Variants in CYRIA observed in about 807,000 individuals in gnomAD.
CYRIA encodes the protein CYFIP related Rac1 interactor A, also known as CYFIP-related Rac1 interactor A.
A neutral mutation model predicts 43.9 loss-of-function variants in CYRIA; 15 were observed. That is an observed-to-expected ratio of 0.34 (90% CI 0.23 to 0.53). CYRIA has a LOEUF of 0.53. Ranked by LOEUF, CYRIA falls within the 20% of genes least tolerant of loss-of-function variation. The pLI is 0.94. For synonymous variants in CYRIA, 117 were observed against 136.0 expected, an observed-to-expected ratio of 0.86 and a Z score of 0.97; for missense variants, 236 against 394.2, an observed-to-expected ratio of 0.60 and a Z score of 3.40.
At chr2:16,617,180 G>A (rs1473746054) in intron 2 of CYRIA, among the ~76,000 whole-genome samples, 1 of 152,190 alleles carries the variant, frequency 6.6e-6, no homozygotes, top group Non-Finnish European at 1.5e-5. Context: ...CTGGAGACAG[G>A]AAAGAGCTGA....
chr2:16,618,557 T>C (rs2103502689), intron 2 of CYRIA, among the ~76,000 whole-genome samples: 2 of 152,270 alleles, frequency 1.3e-5, no homozygotes, highest in Middle Eastern at 6.8e-3. Flanking sequence ...AAATGCATTT[T>C]GGTAAAGAGC....
At position 16,615,364 on chromosome 2, in the gene CYRIA, C is replaced by T. The variant is rs1050076269; in HGVS notation, c.-11+8500G>A. ...GGTCCCGAAATCCGGAGTTCCTCTCCTACTGGTTTAGTATGCATTTGGTTT... is the reference window on the plus strand; with the variant it reads ...GGTCCCGAAATCCGGAGTTCCTCTCTTACTGGTTTAGTATGCATTTGGTTT... On this transcript the variant is annotated intron_variant, in intron 2 of 11. Transcript: ENST00000381323. 5.3e-5 allele frequency among the ~76,000 whole-genome samples: 8 copies of T among 152,342 alleles called. No individual in the cohort carries two copies. In the East Asian group the frequency reaches 1.5e-3, roughly 29 times the overall value.
chr2:16,655,655 G>A (rs955227656), intron 1 of CYRIA, among the ~76,000 whole-genome samples: 19 of 152,142 alleles, frequency 1.2e-4, no homozygotes, highest in African/African-American at 4.3e-4. Flanking sequence ...GCCTGATCAC[G>A]CAGGGGCTCA....
rs1669076802 is a variant in CYRIA, at chr2:16,623,850, C to A, written c.-11+14G>T. ...GTGTGCTACACGTTATAACGAAAGT[C>A]AATTGTTTCTTACCTGGAAATATCT... is the stretch of plus-strand genomic sequence containing the variant. On this transcript the variant is annotated intron_variant, in intron 2 of 11. Transcript: ENST00000381323. 6.6e-6 allele frequency: 1 copy of A among 152,178 alleles called. No homozygotes were observed. Among genetic ancestry groups the A allele is most frequent in the South Asian group, 2.1e-4 (1 of 4,832 alleles). 9.4% of individuals were successfully genotyped at this position (152,178 alleles called of 1,614,324 possible). A position where few individuals can be genotyped will look rare whatever the true frequency, so the allele number is the denominator to read the frequency against.
intron 3 of CYRIA, among the ~76,000 whole-genome samples, chr2:16,575,680 C>T (rs1358603364): frequency 6.6e-6 from 1 of 151,760 alleles, no homozygotes; most frequent in African/African-American, 2.4e-5. Flanking sequence ...ACGGTGAAAC[C>T]CCGTCTCTAC....
At chr2:16,590,442 T>C (rs904511632) in intron 2 of CYRIA, among the ~76,000 whole-genome samples, 38 of 152,290 alleles carry the variant, frequency 2.5e-4, no homozygotes, top group African/African-American at 7.5e-4. Flanking sequence ...AAGCTAAATA[T>C]TCTTAGGTGT....
intron 1 of CYRIA, among the ~76,000 whole-genome samples, chr2:16,655,128 C>T (rs538496775): frequency 2.0e-5 from 3 of 152,300 alleles, no homozygotes; most frequent in Non-Finnish European, 2.9e-5. Context: ...CATCCACACC[C>T]GTACAAGCTC....
intron 9 of CYRIA, 170 bp downstream of exon 9, chr2:16,560,820 G>T: frequency 1.5e-6 from 1 of 649,428 alleles, no homozygotes; most frequent in Non-Finnish European, 2.7e-6. Context: ...CAGCTATGCA[G>T]TAGTGATAGT....
In CYRIA at chr2:16,586,790, G is replaced by A. The variant is rs544929543; in HGVS notation, c.70+1260C>T. Among the ~76,000 whole-genome samples the A allele has an allele frequency of 4.6e-5, 7 of 152,064 alleles. No individual in the cohort carries two copies. In the East Asian group the frequency reaches 1.4e-3, roughly 29 times the overall value. ...AGTTCCAATTATTATTTTTAATGGC[G>A]ATAAAATATTTGAAAAATTAAAGTT... On this transcript the variant is annotated intron_variant, in intron 3 of 11. Coordinates refer to ENST00000381323, the MANE Select transcript of CYRIA (RefSeq NM_030797.4).
chr2:16,640,129 A>G (rs1054370953), intron 1 of CYRIA, among the ~76,000 whole-genome samples: 2 of 152,214 alleles, frequency 1.3e-5, no homozygotes, highest in African/African-American at 4.8e-5. Context: ...GCCTGCACGC[A>G]CACACACACA....
chr2:16,630,362 A>T (rs376456111), intron 1 of CYRIA, among the ~76,000 whole-genome samples: 10 of 152,278 alleles, frequency 6.6e-5, no homozygotes, highest in Admixed American at 3.3e-4. Flanking sequence ...GGTGGTGTTT[A>T]TGAGTCATGG....
At chr2:16,574,653 C>T (rs1667263234) in intron 3 of CYRIA, among the ~76,000 whole-genome samples, 1 of 152,200 alleles carries the variant, frequency 6.6e-6, no homozygotes, top group Admixed American at 6.5e-5. Context: ...ACAGTTCAGG[C>T]TGTGGCTTCA....
At chr2:16,591,669 T>C (rs11685029) in intron 2 of CYRIA, among the ~76,000 whole-genome samples, 27,745 of 152,024 alleles carry the variant, frequency 0.18, 3,522 homozygotes, top group African/African-American at 0.35. Flanking sequence ...ACCCTCTTAA[T>C]GTGACCTGCT....
At chr2:16,553,173 G>C (rs969419725) in intron 11 of CYRIA, among the ~76,000 whole-genome samples, 174 bp from the exon 12 acceptor site, 2 of 152,026 alleles carry the variant, frequency 1.3e-5, no homozygotes, top group Admixed American at 1.3e-4. Flanking sequence ...CCTTCCAAAG[G>C]AATTTTGTAT....
intron 10 of CYRIA, among the ~76,000 whole-genome samples, chr2:16,555,552 A>C (rs191423093): frequency 6.6e-6 from 1 of 152,124 alleles, no homozygotes; most frequent in Admixed American, 6.5e-5. Context: ...AAATCTGAAT[A>C]ATTTTATGCC....
At chr2:16,598,294 G>C (rs1668082266) in intron 2 of CYRIA, among the ~76,000 whole-genome samples, 1 of 80,858 alleles carries the variant, frequency 1.2e-5, no homozygotes, top group Non-Finnish European at 2.2e-5. Context: ...GCTAGATTGG[G>C]GAAGTTCTCC....
chr2:16,555,768 T>C (rs1206356231), intron 10 of CYRIA, among the ~76,000 whole-genome samples: 1 of 152,084 alleles, frequency 6.6e-6, no homozygotes, highest in Non-Finnish European at 1.5e-5. Flanking sequence ...TTAGTGCCCA[T>C]ATTAACTTCT....
In CYRIA at chr2:16,551,087, C is replaced by T. The variant is rs918286703; in HGVS notation, c.*1849G>A. 3.3e-5 allele frequency: 5 copies of T among 152,118 alleles called. No individual in the cohort carries two copies. The highest frequency in any genetic ancestry group is 7.4e-5 in the Non-Finnish European group (5 of 68,018). The allele number at this position is 152,118 out of a possible 1,614,324, so 9.4% of individuals were successfully genotyped here. A position where few individuals can be genotyped will look rare whatever the true frequency, so the allele number is the denominator to read the frequency against. On this transcript the variant is annotated 3_prime_UTR_variant, in exon 12 of 12. Transcript: ENST00000381323. ...AGCTGTACTTTTTCAACTTGAAAATCTCCAAGGAAAAGAGCCTTTTCCTTC... is the reference window on the plus strand; with the variant it reads ...AGCTGTACTTTTTCAACTTGAAAATTTCCAAGGAAAAGAGCCTTTTCCTTC...
chr2:16,555,053 C>T lies in CYRIA; in HGVS notation c.908+16G>A. ...GCTGGCTGTTCCCTGTGAGCTGACA[C>T]AGGGTTGAAGCTCACCTGAGGGCAT... On this transcript the variant is annotated intron_variant, in intron 11 of 11. Coordinates refer to ENST00000381323, the MANE Select transcript of CYRIA (RefSeq NM_030797.4). 2 of 1,610,664 alleles carry T rather than the reference C, an allele frequency of 1.2e-6. No homozygotes were observed. The highest frequency in any genetic ancestry group is 2.2e-5 in the South Asian group (2 of 90,864).
Sources: gnomAD v4.1 joint callset for allele counts (sites outside exome capture counted in the v4.1 genomes callset) on GRCh38, gnomAD v4.1.1 for gene constraint, MANE v1.5 for transcripts, NCBI Gene and HGNC (gene_info 2026-07-23, HGNC 2026-07-21) for gene names.